MESD: variants seen among roughly 807,000 people sequenced by gnomAD.
MESD encodes mesoderm development LRP chaperone.
A neutral mutation model predicts 12.9 loss-of-function variants in MESD; 7 were observed. That is an observed-to-expected ratio of 0.54 (90% CI 0.31 to 1.02). The LOEUF (loss-of-function observed/expected upper bound fraction) is 1.02, where lower values mean the gene tolerates loss of function less well. Ranked by LOEUF, MESD falls within the 50% of genes least tolerant of loss-of-function variation. The probability of loss-of-function intolerance (pLI) is 0.05; values close to 1 mark genes in which losing one functional copy is unlikely to be tolerated. For missense variants in MESD, 342 were observed against 296.7 expected (o/e 1.15, Z -1.12); for synonymous variants, 126 against 115.6 (o/e 1.09, Z -0.58).
chr15:80,954,532 C>T (rs1901924848), intron 3 of MESD, among the ~76,000 whole-genome samples: 1 of 152,148 alleles, frequency 6.6e-6, no homozygotes, highest in Non-Finnish European at 1.5e-5. Context: ...GGATCAAGTC[C>T]ACAGGCACCT....
chr15:80,989,398 G>C (rs1209424389), intron 1 of MESD, among the ~76,000 whole-genome samples, 181 bp downstream of exon 1: 1 of 152,152 alleles, frequency 6.6e-6, no homozygotes, highest in Non-Finnish European at 1.5e-5. Context: ...GGGTCAGCAG[G>C]GCGCGCGGGT....
In MESD at chr15:80,964,197, G is replaced by C. The variant is rs148102513; in HGVS notation, c.*289-11901C>G. Among the ~76,000 whole-genome samples, 1,251 of 152,210 alleles carry C rather than the reference G, an allele frequency of 8.2e-3. 20 individuals carry two copies. Among genetic ancestry groups the C allele is most frequent in the African/African-American group, 0.029 (1,196 of 41,516 alleles). ...TATACAACAGGAACACACAAACAGA[G>C]AGCCAAATCATGAGTGAACTCCCAT... is the stretch of plus-strand genomic sequence containing the variant. On this transcript the variant is annotated intron_variant, in intron 3 of 4. Transcript: ENST00000561312.
At chr15:80,963,305 A>C (rs1902120704) in intron 3 of MESD, among the ~76,000 whole-genome samples, 1 of 152,244 alleles carries the variant, frequency 6.6e-6, no homozygotes, top group Non-Finnish European at 1.5e-5. Context: ...TGAATAGACC[A>C]ATAACAGGTT....
chr15:80,970,989 AG>A (rs1902275530), downstream of MESD, among the ~76,000 whole-genome samples: 3 of 152,316 alleles, frequency 2.0e-5, no homozygotes, highest in African/African-American at 7.2e-5. Flanking sequence ...TTAGATATCA[AG>A]GGTAAGAAGT....
chr15:80,974,395 G>C (rs1021674486), downstream of MESD, among the ~76,000 whole-genome samples: 5 of 152,096 alleles, frequency 3.3e-5, no homozygotes, highest in South Asian at 2.1e-4. Flanking sequence ...AAACATTTTG[G>C]AATTAGAAAA....
At chr15:80,949,990 G>T (rs1901748518) in intron 4 of MESD, 1 of 152,102 alleles carries the variant, frequency 6.6e-6, no homozygotes, top group Admixed American at 6.5e-5. Context: ...TCAGAGGGGA[G>T]CAATGGGCTT....
At chr15:80,975,241 C>G (rs1459438306), downstream of MESD, among the ~76,000 whole-genome samples, 1 of 151,414 alleles carries the variant, frequency 6.6e-6, no homozygotes, top group Non-Finnish European at 1.5e-5. Context: ...AAAACCTAGC[C>G]AGGCATAGTG....
chr15:80,983,894 C>CTTTTTTTTTT (rs10570822), intron 1 of MESD, among the ~76,000 whole-genome samples: 6 of 88,494 alleles, frequency 6.8e-5, no homozygotes, highest in Non-Finnish European at 8.5e-5. Context: ...AAAACAGTAA[C>CTTTTTTTTTT]TTTTTTTTTT....
intron 2 of MESD, among the ~76,000 whole-genome samples, chr15:80,979,801 A>C (rs895495832): frequency 5.3e-5 from 8 of 152,178 alleles, no homozygotes. Context: ...GCTGCTGGGG[A>C]GGTAAAGAGG....
rs531060019 is a variant in MESD, at chr15:80,977,322, AT to A, written c.*1896del. 51 of 152,270 alleles carry A rather than the reference AT, an allele frequency of 3.3e-4. No individual in the cohort carries two copies. The highest frequency in any genetic ancestry group is 1.2e-3 in the African/African-American group (51 of 41,526). 9.4% of individuals were successfully genotyped at this position (152,270 alleles called of 1,614,324 possible). A position where few individuals can be genotyped will look rare whatever the true frequency, so the allele number is the denominator to read the frequency against. ...CCATTTTACTTTGTACATTACTGAC[AT>A]TTGTCTTCCCCCACCGAATCATTGA... On this transcript the variant is annotated 3_prime_UTR_variant, in exon 3 of 3. Coordinates refer to ENST00000261758, the MANE Select transcript of MESD (RefSeq NM_015154.3).
In MESD at chr15:80,977,760, G is replaced by A. The variant is rs1368341941; in HGVS notation, c.*1459C>T. 6.6e-6 allele frequency: 1 copy of A among 152,242 alleles called. No homozygotes were observed. Among genetic ancestry groups the A allele is most frequent in the Non-Finnish European group, 1.5e-5 (1 of 68,106 alleles). The allele number at this position is 152,242 out of a possible 1,614,324, so 9.4% of individuals were successfully genotyped here. On this transcript the variant is annotated 3_prime_UTR_variant, in exon 3 of 3. Transcript: ENST00000261758. ...TGTCAGACAGTTCTCTTCTCCAAGG[G>A]CGGGGCCTACAACAGCTCCCGCTCC... is the stretch of plus-strand genomic sequence containing the variant.
At position 80,978,844 on chromosome 15, in the gene MESD, C is replaced by A. The variant is rs1451616461; in HGVS notation, c.*375G>T. 2 of 205,646 alleles carry A rather than the reference C, an allele frequency of 9.7e-6. No homozygotes were observed. The highest frequency in any genetic ancestry group is 9.7e-6 in the Non-Finnish European group (1 of 103,202). The allele number at this position is 205,646 out of a possible 1,614,324, so 12.7% of individuals were successfully genotyped here. On this transcript the variant is annotated 3_prime_UTR_variant, in exon 3 of 3. Transcript: ENST00000261758. ...CAAGAGTTTTAAAGTCTTCTCTGAT[C>A]AGAATTTGCTATCTGATCAGAGCAG...
intron 3 of MESD, among the ~76,000 whole-genome samples, chr15:80,968,980 G>C (rs889390911): frequency 6.6e-6 from 1 of 152,162 alleles, no homozygotes; most frequent in Non-Finnish European, 1.5e-5. Context: ...CTTGAACCCA[G>C]GAGTTCAAGA....
At chr15:80,987,491 C>CTT (rs11337726) in intron 1 of MESD, among the ~76,000 whole-genome samples, 5 of 143,494 alleles carry the variant, frequency 3.5e-5, no homozygotes, top group South Asian at 2.2e-4. Flanking sequence ...CAAAATCTGT[C>CTT]TTTTTTTTTT....
rs1902418324 is a variant in MESD at position 80,976,381 on chromosome 15, C to CCAG, written c.*2837_*2838insCTG. ...CTCCCCTCAGTGTCAACTAGGATTG[C>CCAG]TTGAAGGCTGGGGCTGGAAATGTTT... On this transcript the variant is annotated 3_prime_UTR_variant, in exon 3 of 3. Transcript: ENST00000261758. 2.6e-5 allele frequency: 4 copies of CCAG among 152,390 alleles called. No homozygotes were observed. The highest frequency in any genetic ancestry group is 4.4e-5 in the Non-Finnish European group (3 of 68,056). The allele number at this position is 152,390 out of a possible 1,614,324, so 9.4% of individuals were successfully genotyped here.
chr15:80,973,342 G>A (rs944533643), downstream of MESD, among the ~76,000 whole-genome samples: 7 of 152,032 alleles, frequency 4.6e-5, no homozygotes, highest in South Asian at 2.1e-4. Flanking sequence ...ATGAAACCTC[G>A]TCTCTCGAGA....
At chr15:80,968,157 G>T (rs1379273124) in intron 3 of MESD, among the ~76,000 whole-genome samples, 1 of 152,232 alleles carries the variant, frequency 6.6e-6, no homozygotes, top group African/African-American at 2.4e-5. Context: ...TCTCACCTGA[G>T]AGCAGGTCCT....
At chr15:80,948,408 A>C (rs1200611461) in exon 5 of MESD, 2 of 331,956 alleles carry the variant, frequency 6.0e-6, no homozygotes, top group Non-Finnish European at 5.9e-6. Context: ...CAATGCCATC[A>C]TTTGATGGAT....
intron 3 of MESD, among the ~76,000 whole-genome samples, chr15:80,954,227 G>A (rs1340125296): frequency 1.3e-5 from 2 of 152,128 alleles, no homozygotes; most frequent in Non-Finnish European, 2.9e-5. Context: ...TGCGCCCCCT[G>A]TCCCAGGCTA....
Sources: gnomAD v4.1 joint callset for allele counts (sites outside exome capture counted in the v4.1 genomes callset) on GRCh38, gnomAD v4.1.1 for gene constraint, MANE v1.5 for transcripts, NCBI Gene and HGNC (gene_info 2026-07-23, HGNC 2026-07-21) for gene names.